SHC4: variants seen among roughly 807,000 people sequenced by gnomAD.
The protein encoded by SHC4 is SHC adaptor protein 4.
In SHC4, 41 loss-of-function variants were observed where a neutral mutation model predicts 69.4. The ratio of observed to expected loss-of-function variants is 0.59; its 90% CI spans 0.46 to 0.77. The LOEUF (loss-of-function observed/expected upper bound fraction) is 0.77, where lower values mean the gene tolerates loss of function less well. Among genes scored for constraint, SHC4 ranks in the 30% least tolerant of loss-of-function variants. The pLI, the probability that SHC4 is intolerant of heterozygous loss-of-function variation, is 0.00. For synonymous variants in SHC4, 318 were observed against 299.3 expected, an observed-to-expected ratio of 1.06 and a Z score of -0.64; for missense variants, 777 against 783.8, an observed-to-expected ratio of 0.99 and a Z score of 0.10.
chr15:48,874,526 G>A (rs1027906882), intron 4 of SHC4, among the ~76,000 whole-genome samples: 2 of 152,190 alleles, frequency 1.3e-5, no homozygotes, highest in Admixed American at 6.5e-5. Context: ...GGCGACATTA[G>A]ATTCTCATAG....
At chr15:48,843,705 G>T in intron 9 of SHC4, 117 bp from the exon 10 acceptor site, 2 of 874,370 alleles carry the variant, frequency 2.3e-6, no homozygotes, top group Non-Finnish European at 3.3e-6. Context: ...CCTATACAAT[G>T]ATTGAACACT....
intron 2 of SHC4, among the ~76,000 whole-genome samples, chr15:48,906,868 T>C (rs1900414138): frequency 1.3e-5 from 2 of 152,046 alleles, no homozygotes; most frequent in Admixed American, 6.6e-5. Flanking sequence ...TGAAAATTAT[T>C]CCCTCTATCT....
At chr15:48,932,586 T>C (rs541249103) in intron 1 of SHC4, among the ~76,000 whole-genome samples, 17 of 152,260 alleles carry the variant, frequency 1.1e-4, no homozygotes, top group Admixed American at 7.2e-4. Context: ...CTTCCTTTGC[T>C]CCTCCCTCTT....
chr15:48,840,325 G>A (rs1898968363), intron 10 of SHC4, among the ~76,000 whole-genome samples: 1 of 152,110 alleles, frequency 6.6e-6, no homozygotes, highest in Non-Finnish European at 1.5e-5. Context: ...CAGAACTCAG[G>A]GAATCTTTCT....
At chr15:48,889,777 G>T (rs1404473007) in intron 3 of SHC4, among the ~76,000 whole-genome samples, 1 of 152,144 alleles carries the variant, frequency 6.6e-6, no homozygotes, top group African/African-American at 2.4e-5. Flanking sequence ...CCGGGAGGCG[G>T]AGCTTGCAGT....
chr15:48,826,087 G>A lies in SHC4; in HGVS notation c.1777C>T (p.Leu593Phe). The A allele has an allele frequency of 2.5e-6, 4 of 1,613,614 alleles. No individual in the cohort carries two copies. The highest frequency in any genetic ancestry group is 3.4e-6 in the Non-Finnish European group (4 of 1,179,850). ...CTGTTATCCATATGGTATCTGATAA[G>A]GTGGCCGACATTATCAAATACATGA... Reference protein sequence around the residue: ...KDHVFDNVGHLIRYHMDNSLP... With the variant: ...KDHVFDNVGHFIRYHMDNSLP... The change falls in exon 12 of 12, where the codon CTT (leucine) becomes TTT (phenylalanine). Residue 593 changes from leucine to phenylalanine, a missense_variant. Transcript: ENST00000332408.
Position 48,961,400 on chromosome 15 carries a change from G to A in SHC4, c.585+1031C>T, listed in dbSNP as rs928979532. On this transcript the variant is annotated intron_variant, in intron 1 of 11. Coordinates refer to ENST00000332408, the MANE Select transcript of SHC4 (RefSeq NM_203349.4). Reference sequence around the variant, plus strand: ...ACTCATACTTGTTTGAGTACTACAAGCCACCCCCTCCCTCAGTCACCCACT... The same window carrying A: ...ACTCATACTTGTTTGAGTACTACAAACCACCCCCTCCCTCAGTCACCCACT... Among the ~76,000 whole-genome samples the A allele has an allele frequency of 3.9e-5, 6 of 152,198 alleles. No individual in the cohort carries two copies. In the South Asian group the frequency reaches 1.0e-3, roughly 26 times the overall value.
intron 1 of SHC4, among the ~76,000 whole-genome samples, chr15:48,937,543 A>G (rs1164437407): frequency 6.6e-6 from 1 of 152,108 alleles, no homozygotes; most frequent in East Asian, 1.9e-4. Context: ...CATGCCTTGC[A>G]TATATTATAT....
intron 2 of SHC4, among the ~76,000 whole-genome samples, chr15:48,894,628 G>T (rs1900191571): frequency 6.6e-6 from 1 of 152,010 alleles, no homozygotes; most frequent in African/African-American, 2.4e-5. Flanking sequence ...TCCTTTTTCA[G>T]TTTTTTAAGT....
intron 11 of SHC4, among the ~76,000 whole-genome samples, chr15:48,829,508 A>C (rs1898755272): frequency 6.6e-6 from 1 of 151,986 alleles, no homozygotes; most frequent in Non-Finnish European, 1.5e-5. Context: ...TGATATTTTG[A>C]CTTAAAGTTT....
Position 48,843,478 on chromosome 15 carries a change from G to C in SHC4, c.1414C>G (p.Gln472Glu), listed in dbSNP as rs1458333125. ...DPCYINTQALQSTPGSAGNQR... is the reference protein window; with the variant it reads ...DPCYINTQALESTPGSAGNQR... ...TTTCCAGCAGAGCCAGGTGTACTTT[G>C]AAGAGCCTGTGTATTAATGTAGCAG... Residue 472 changes from glutamine (Q) to glutamate (E), a missense_variant, in exon 10 of 12, where the codon CAA (glutamine) becomes GAA (glutamate). Gln to Glu is a conservative substitution (Grantham distance 29). Coordinates refer to ENST00000332408, the MANE Select transcript of SHC4 (RefSeq NM_203349.4). 17 of 1,614,056 alleles carry C rather than the reference G, an allele frequency of 1.1e-5. No individual in the cohort carries two copies. Among genetic ancestry groups the C allele is most frequent in the South Asian group, 4.4e-5 (4 of 91,090 alleles).
chr15:48,885,968 T>C (rs1595745605), intron 3 of SHC4, among the ~76,000 whole-genome samples: 1 of 152,184 alleles, frequency 6.6e-6, no homozygotes, highest in Admixed American at 6.5e-5. Context: ...TTAAAAAATA[T>C]TATTGTGAGG....
chr15:48,878,174 A>C (rs199665111), intron 4 of SHC4: 8 of 1,548,934 alleles, frequency 5.2e-6, no homozygotes, highest in Middle Eastern at 1.8e-4. Flanking sequence ...AGCGGTTTGC[A>C]CAATGTCGGA....
At chr15:48,884,212 G>A (rs369543925) in intron 4 of SHC4, 36 bp downstream of exon 4, 6 of 1,566,162 alleles carry the variant, frequency 3.8e-6, no homozygotes, top group Non-Finnish European at 4.3e-6. Context: ...TGAAAAAATA[G>A]ATATGTTTAT....
intron 4 of SHC4, among the ~76,000 whole-genome samples, chr15:48,872,834 GT>G (rs1899711576): frequency 6.6e-6 from 1 of 152,186 alleles, no homozygotes; most frequent in African/African-American, 2.4e-5. Context: ...AGGATTGCTT[GT>G]TTGCAAACCA....
intron 4 of SHC4, among the ~76,000 whole-genome samples, chr15:48,881,258 A>G (rs1899939858): frequency 6.6e-6 from 1 of 152,064 alleles, no homozygotes; most frequent in East Asian, 1.9e-4. Context: ...CTCAGTACAG[A>G]GACAGCAGCT....
intron 10 of SHC4, among the ~76,000 whole-genome samples, chr15:48,837,789 A>C (rs1311786196): frequency 6.6e-6 from 1 of 152,180 alleles, no homozygotes; most frequent in African/African-American, 2.4e-5. Context: ...CAGTATAGAT[A>C]TGGCTATCCA....
chr15:48,910,555 A>G (rs919100689), intron 2 of SHC4, among the ~76,000 whole-genome samples: 3 of 151,314 alleles, frequency 2.0e-5, no homozygotes, highest in African/African-American at 7.3e-5. Flanking sequence ...TCTTTGTCTC[A>G]ATTTCATTTA....
intron 1 of SHC4, among the ~76,000 whole-genome samples, chr15:48,956,970 C>CTTTTTTTTT (rs1234585427): frequency 7.1e-5 from 5 of 70,166 alleles, no homozygotes; most frequent in East Asian, 4.9e-4. Flanking sequence ...TTCTTTCTTT[C>CTTTTTTTTT]TTTCTTTTTT....
Sources: gnomAD v4.1 joint callset for allele counts (sites outside exome capture counted in the v4.1 genomes callset) on GRCh38, gnomAD v4.1.1 for gene constraint, MANE v1.5 for transcripts, NCBI Gene and HGNC (gene_info 2026-07-23, HGNC 2026-07-21) for gene names.